Variants in CYP4X1 observed in about 807,000 individuals in gnomAD.
The protein encoded by CYP4X1 is cytochrome P450 4X1.
In CYP4X1, 44 loss-of-function variants were observed where a neutral mutation model predicts 57.9. That is an observed-to-expected ratio of 0.76 (90% CI 0.60 to 0.98). The LOEUF is 0.98. Ranked by LOEUF, CYP4X1 falls within the 50% of genes least tolerant of loss-of-function variation. The pLI is 0.00. For synonymous variants in CYP4X1, 227 were observed against 228.6 expected (o/e 0.99, Z 0.06); for missense variants, 532 against 623.9 (o/e 0.85, Z 1.57).
At chr1:47,012,951 A>C in the CYP4X1 span, among the ~76,000 whole-genome samples, 1 of 152,172 alleles carries the variant, frequency 6.6e-6, no homozygotes, top group Non-Finnish European at 1.5e-5. Context: ...CTATACATTT[A>C]AACATTTTTT....
chr1:46,986,264 A>G, the CYP4X1 span, among the ~76,000 whole-genome samples: 1 of 152,214 alleles, frequency 6.6e-6, no homozygotes, highest in Non-Finnish European at 1.5e-5. Context: ...GAAAGAAAAG[A>G]TATCAGAGAC....
chr1:46,963,304 A>G, the CYP4X1 span, among the ~76,000 whole-genome samples: 1 of 152,118 alleles, frequency 6.6e-6, no homozygotes, highest in Non-Finnish European at 1.5e-5. Context: ...TTATGATGTT[A>G]GCTGGTTATT....
At chr1:47,003,993 C>T in the CYP4X1 span, among the ~76,000 whole-genome samples, 1 of 152,204 alleles carries the variant, frequency 6.6e-6, no homozygotes, top group Middle Eastern at 3.2e-3. Flanking sequence ...AAGGCTAATT[C>T]ATGCTGGCTT....
chr1:47,049,475 T>C lies in CYP4X1; in HGVS notation c.1326T>C (p.Tyr442=). 6.2e-7 allele frequency: 1 copy of C among 1,614,158 alleles called. No individual in the cohort carries two copies. The highest frequency in any genetic ancestry group is 1.7e-5 in the Admixed American group (1 of 60,020). ...AGAATTCTGATCAGAGACACCCCTATGCCTACTTACCATTCTCAGCTGGAT... is the reference window on the plus strand; with the variant it reads ...AGAATTCTGATCAGAGACACCCCTACGCCTACTTACCATTCTCAGCTGGAT... The part of the protein sequence containing the change: ...SQENSDQRHP[Y]AYLPFSAGSR... The change falls in exon 11 of 12, where the codon TAT becomes TAC. Residue 442 remains tyrosine (Y), a synonymous_variant. Coordinates refer to ENST00000371901, the MANE Select transcript of CYP4X1 (RefSeq NM_178033.2).
At chr1:46,963,450 T>C in the CYP4X1 span, among the ~76,000 whole-genome samples, 3 of 151,552 alleles carry the variant, frequency 2.0e-5, no homozygotes, top group South Asian at 6.3e-4. Flanking sequence ...GCAGGCCTGG[T>C]GGTGACAAAA....
At chr1:46,995,315 G>A in the CYP4X1 span, among the ~76,000 whole-genome samples, 1 of 152,104 alleles carries the variant, frequency 6.6e-6, no homozygotes, top group African/African-American at 2.4e-5. Context: ...AACTAAAACT[G>A]TTCAATAAAA....
the CYP4X1 span, among the ~76,000 whole-genome samples, chr1:46,972,315 A>C: frequency 6.6e-6 from 1 of 152,166 alleles, no homozygotes; most frequent in Non-Finnish European, 1.5e-5. Context: ...CTTTTGTGTC[A>C]GTACAATGCT....
At chr1:46,963,308 G>A in the CYP4X1 span, among the ~76,000 whole-genome samples, 1 of 152,014 alleles carries the variant, frequency 6.6e-6, no homozygotes, top group African/African-American at 2.4e-5. Context: ...GATGTTAGCT[G>A]GTTATTTTGC....
chr1:47,036,469 T>C (rs949547306), intron 6 of CYP4X1, among the ~76,000 whole-genome samples: 2 of 150,634 alleles, frequency 1.3e-5, no homozygotes, highest in African/African-American at 4.9e-5. Flanking sequence ...GAATATGGCT[T>C]TTTGCACAGC....
At chr1:47,048,653 A>G (rs781041092) in intron 10 of CYP4X1, 24 bp downstream of exon 10, 1 of 1,600,478 alleles carries the variant, frequency 6.2e-7, no homozygotes, top group South Asian at 1.1e-5. Context: ...TTGTACATAA[A>G]TACTTCCAAG....
chr1:47,027,667 AG>A (rs1380177424), intron 1 of CYP4X1, among the ~76,000 whole-genome samples: 2 of 152,180 alleles, frequency 1.3e-5, no homozygotes, highest in Non-Finnish European at 2.9e-5. Flanking sequence ...CTACAAGATA[AG>A]AATTTCATTC....
the CYP4X1 span, among the ~76,000 whole-genome samples, chr1:46,998,569 A>C: frequency 6.6e-6 from 1 of 151,896 alleles, no homozygotes; most frequent in Non-Finnish European, 1.5e-5. Context: ...TGCTGTGGAG[A>C]AGATCTTTAG....
chr1:47,004,435 C>T, the CYP4X1 span, among the ~76,000 whole-genome samples: 1 of 151,604 alleles, frequency 6.6e-6, no homozygotes, highest in South Asian at 2.1e-4. Context: ...GGAATCTCTC[C>T]CTCTCTCTCT....
In CYP4X1 at chr1:47,039,470, G is replaced by A; in HGVS notation, c.1011G>A (p.Glu337=). The A allele has an allele frequency of 6.2e-7, 1 of 1,613,494 alleles. No homozygotes were observed. The highest frequency in any genetic ancestry group is 8.5e-7 in the Non-Finnish European group (1 of 1,179,740). The change falls in exon 8 of 12, where the codon GAG becomes GAA. Residue 337 remains glutamate (E), a synonymous_variant. Transcript: ENST00000371901. ...TTTACTGCCTGGCTCTGAACCCTGA[G>A]CATCAAGAGAGATGCCGGGAGGAGG... ...WILYCLALNP[E]HQERCREEVR... is the part of the protein sequence containing the mutation.
chr1:47,054,312 G>C (rs1644379239), downstream of CYP4X1, among the ~76,000 whole-genome samples: 1 of 152,110 alleles, frequency 6.6e-6, no homozygotes, highest in Non-Finnish European at 1.5e-5. Flanking sequence ...TGCTGTTTTG[G>C]TTACTGTAGC....
At chr1:47,025,080 G>C (rs1644047714) in intron 1 of CYP4X1, among the ~76,000 whole-genome samples, 2 of 152,182 alleles carry the variant, frequency 1.3e-5, no homozygotes. Flanking sequence ...CAATGTTGGA[G>C]GTGGGATCTG....
the CYP4X1 span, among the ~76,000 whole-genome samples, chr1:46,965,117 A>G: frequency 6.6e-6 from 1 of 152,040 alleles, no homozygotes; most frequent in African/African-American, 2.4e-5. Flanking sequence ...GAGTGACCCA[A>G]TTTTCCAGGT....
the CYP4X1 span, among the ~76,000 whole-genome samples, chr1:46,991,802 A>G: frequency 1.3e-5 from 2 of 152,202 alleles, no homozygotes; most frequent in South Asian, 2.1e-4. Flanking sequence ...CTCTCAGCAC[A>G]TTAGAGGCAT....
chr1:47,024,066 C>A, intron 1 of CYP4X1, 72 bp downstream of exon 1: 1 of 1,500,696 alleles, frequency 6.7e-7, no homozygotes, highest in East Asian at 2.5e-5. Flanking sequence ...GCCCAGCCGG[C>A]AGAGAGACGC....
Sources: gnomAD v4.1 joint callset for allele counts (sites outside exome capture counted in the v4.1 genomes callset) on GRCh38, gnomAD v4.1.1 for gene constraint, MANE v1.5 for transcripts, NCBI Gene and HGNC (gene_info 2026-07-23, HGNC 2026-07-21) for gene names.